Variants in GRIN2A observed in about 807,000 individuals in gnomAD.
GRIN2A encodes glutamate ionotropic receptor NMDA type subunit 2A.
Under a neutral mutation model 113.4 loss-of-function variants are expected in GRIN2A, and 22 were observed. That is an observed-to-expected ratio of 0.19 (90% CI 0.14 to 0.28). The LOEUF is 0.28. Among genes scored for constraint, GRIN2A ranks in the 10% least tolerant of loss-of-function variants. The pLI is 1.00. For missense variants in GRIN2A, 1,502 were observed against 1,887.0 expected (o/e 0.80, Z 3.78); for synonymous variants, 827 against 738.4 (o/e 1.12, Z -1.94).
At chr16:9,799,382 C>T (rs1415854009) in intron 10 of GRIN2A, among the ~76,000 whole-genome samples, 2 of 152,232 alleles carry the variant, frequency 1.3e-5, no homozygotes, top group East Asian at 3.8e-4. Context: ...AGGAGAGAGG[C>T]CTGGAACAGA....
At chr16:9,994,010 AT>A in intron 2 of GRIN2A, among the ~76,000 whole-genome samples, 1 of 152,194 alleles carries the variant, frequency 6.6e-6, no homozygotes, top group African/African-American at 2.4e-5. Flanking sequence ...TGGAAAGTTT[AT>A]TTTTGAACAT....
At chr16:10,133,777 T>C (rs2049125169) in intron 2 of GRIN2A, among the ~76,000 whole-genome samples, 1 of 152,004 alleles carries the variant, frequency 6.6e-6, no homozygotes, top group Non-Finnish European at 1.5e-5. Context: ...GATTATCTGC[T>C]CCCCAGATGC....
rs547669078 is a variant in GRIN2A, at chr16:9,959,427, C to A, written c.415-20876G>T. Among the ~76,000 whole-genome samples, 9 of 152,330 alleles carry A rather than the reference C, an allele frequency of 5.9e-5. No homozygotes were observed. In the South Asian group the frequency reaches 1.7e-3, roughly 28 times the overall value. On this transcript the variant is annotated intron_variant, in intron 2 of 12. Transcript: ENST00000330684. ...CTCATAATAGGCTTGTAGGTTCCACCTGATTCTGAAAATCAAGTTATGGCA... is the reference window on the plus strand; with the variant it reads ...CTCATAATAGGCTTGTAGGTTCCACATGATTCTGAAAATCAAGTTATGGCA...
At chr16:9,799,090 A>G (rs2141233312) in intron 10 of GRIN2A, among the ~76,000 whole-genome samples, 1 of 152,350 alleles carries the variant, frequency 6.6e-6, no homozygotes, top group Middle Eastern at 3.4e-3. Flanking sequence ...ACGCATACAC[A>G]GAGATTGGCA....
intron 4 of GRIN2A, among the ~76,000 whole-genome samples, chr16:9,850,979 T>C (rs80033244): frequency 0.03 from 4,602 of 152,242 alleles, 70 homozygotes; most frequent in East Asian, 0.055. Flanking sequence ...ACCGCTTTAT[T>C]TGTAATACCA....
Position 9,947,553 on chromosome 16 carries a change from G to A in GRIN2A, c.415-9002C>T, listed in dbSNP as rs115404722. On this transcript the variant is annotated intron_variant, in intron 2 of 12. Transcript: ENST00000330684. Reference sequence around the variant, plus strand: ...GGCCCTGGTGGTAAACATTATCGTCGAAATGTCCATTTCAAAAATATCCCA... The same window carrying A: ...GGCCCTGGTGGTAAACATTATCGTCAAAATGTCCATTTCAAAAATATCCCA... 6.0e-3 allele frequency among the ~76,000 whole-genome samples: 909 copies of A among 152,286 alleles called. 11 individuals carry two copies. The highest frequency in any genetic ancestry group is 0.02 in the African/African-American group (843 of 41,564).
At chr16:9,890,881 A>G (rs2043679815) in intron 4 of GRIN2A, 105 bp downstream of exon 4, 1 of 772,622 alleles carries the variant, frequency 1.3e-6, no homozygotes, top group Non-Finnish European at 2.3e-6. Flanking sequence ...GATGGGATCT[A>G]GAGCAGCTCA....
chr16:10,083,056 G>A (rs575442002), intron 2 of GRIN2A, among the ~76,000 whole-genome samples: 1 of 152,334 alleles, frequency 6.6e-6, no homozygotes, highest in South Asian at 2.1e-4. Context: ...AGCATAGGAA[G>A]AGGAACAAGT....
At chr16:9,993,781 C>T (rs1325375920) in intron 2 of GRIN2A, among the ~76,000 whole-genome samples, 1 of 152,070 alleles carries the variant, frequency 6.6e-6, no homozygotes, top group South Asian at 2.1e-4. Flanking sequence ...AACTCCAACC[C>T]CCATTCGTAA....
At chr16:9,875,470 C>T (rs2043345709) in intron 4 of GRIN2A, among the ~76,000 whole-genome samples, 1 of 152,190 alleles carries the variant, frequency 6.6e-6, no homozygotes, top group Admixed American at 6.5e-5. Flanking sequence ...GCTACAGAGG[C>T]AGGCTGACAG....
rs1900541594 is a variant in GRIN2A, at chr16:9,760,613, G to C, written c.*2536C>G. 4.5e-6 allele frequency: 1 copy of C among 221,536 alleles called. No individual in the cohort carries two copies. Among genetic ancestry groups the C allele is most frequent in the South Asian group, 1.9e-4 (1 of 5,402 alleles). The allele number at this position is 221,536 out of a possible 1,614,324, so 13.7% of individuals were successfully genotyped here. A position where few individuals can be genotyped will look rare whatever the true frequency, so the allele number is the denominator to read the frequency against. ...GTATGGGGTTAATAGCAGAAATAAT[G>C]CTGCTGTTAGGGGAAGGCTTTCTGA... On this transcript the variant is annotated 3_prime_UTR_variant, in exon 13 of 13. Coordinates refer to ENST00000330684, the MANE Select transcript of GRIN2A (RefSeq NM_001134407.3).
intron 2 of GRIN2A, among the ~76,000 whole-genome samples, chr16:10,175,082 G>A (rs2050116305): frequency 6.6e-6 from 1 of 152,216 alleles, no homozygotes; most frequent in Admixed American, 6.5e-5. Context: ...CATTCATACA[G>A]TAGAGTATGC....
intron 2 of GRIN2A, among the ~76,000 whole-genome samples, chr16:10,102,973 A>C (rs2048428669): frequency 6.6e-6 from 1 of 152,190 alleles, no homozygotes; most frequent in South Asian, 2.1e-4. Context: ...TTTAACAAGC[A>C]TCTATTGTCT....
At chr16:9,923,413 T>C (rs1282607758) in intron 3 of GRIN2A, among the ~76,000 whole-genome samples, 1 of 152,236 alleles carries the variant, frequency 6.6e-6, no homozygotes, top group Non-Finnish European at 1.5e-5. Context: ...TATTTACATG[T>C]AATGTGATTA....
Position 9,762,799 on chromosome 16 carries a change from G to T in GRIN2A, c.*350C>A. 3 of 421,240 alleles carry T rather than the reference G, an allele frequency of 7.1e-6. No individual in the cohort carries two copies. In the South Asian group the frequency reaches 9.4e-5, roughly 13 times the overall value. 26.1% of individuals were successfully genotyped at this position (421,240 alleles called of 1,614,324 possible). A position where few individuals can be genotyped will look rare whatever the true frequency, so the allele number is the denominator to read the frequency against. On this transcript the variant is annotated 3_prime_UTR_variant, in exon 13 of 13. Coordinates refer to ENST00000330684, the MANE Select transcript of GRIN2A (RefSeq NM_001134407.3). ...AATTACATGGTGGGCTGACCTTAAT[G>T]GAATTTGGAATATAGGAAATCATAA...
At chr16:10,041,794 G>A (rs967929453) in intron 2 of GRIN2A, among the ~76,000 whole-genome samples, 11 of 152,146 alleles carry the variant, frequency 7.2e-5, no homozygotes, top group Non-Finnish European at 1.0e-4. Flanking sequence ...AACCTACTCC[G>A]CTGAGCTCAG....
At chr16:9,907,089 A>G (rs118052045) in intron 3 of GRIN2A, among the ~76,000 whole-genome samples, 2,623 of 152,314 alleles carry the variant, frequency 0.017, 28 homozygotes, top group South Asian at 0.068. Context: ...CTGGGATTAC[A>G]GGCATGAATC....
At chr16:9,993,074 C>CA (rs1567222430) in intron 2 of GRIN2A, among the ~76,000 whole-genome samples, 1 of 151,472 alleles carries the variant, frequency 6.6e-6, no homozygotes, top group African/African-American at 2.4e-5. Flanking sequence ...AAAAAAACCC[C>CA]AAAAAATTAG....
chr16:10,040,398 C>T (rs2047139769), intron 2 of GRIN2A, among the ~76,000 whole-genome samples: 4 of 151,668 alleles, frequency 2.6e-5, no homozygotes, highest in African/African-American at 9.7e-5. Context: ...ACCACAAATA[C>T]ACCCACAAAC....
Sources: gnomAD v4.1 joint callset for allele counts (sites outside exome capture counted in the v4.1 genomes callset) on GRCh38, gnomAD v4.1.1 for gene constraint, MANE v1.5 for transcripts, NCBI Gene and HGNC (gene_info 2026-07-23, HGNC 2026-07-21) for gene names.